Variants in SPATA17 observed in about 807,000 individuals in gnomAD.
SPATA17 encodes spermatogenesis-associated protein 17.
A neutral mutation model predicts 62.2 loss-of-function variants in SPATA17; 53 were observed. That is an observed-to-expected ratio of 0.85 (90% CI 0.68 to 1.07). The LOEUF is 1.07. SPATA17 is among the 50% of genes least tolerant of loss of function. SPATA17 has a pLI of 0.00. For missense variants in SPATA17, 466 were observed against 425.5 expected (o/e 1.10, Z -0.84); for synonymous variants, 146 against 146.8 (o/e 0.99, Z 0.04).
At chr1:217,688,781 A>T (rs1053789246) in intron 5 of SPATA17, among the ~76,000 whole-genome samples, 1 of 152,176 alleles carries the variant, frequency 6.6e-6, no homozygotes, top group African/African-American at 2.4e-5. Context: ...CTTCTGTCTT[A>T]TGGTATTATA....
intron 6 of SPATA17, among the ~76,000 whole-genome samples, chr1:217,754,295 A>G (rs1447032397): frequency 6.6e-6 from 1 of 152,178 alleles, no homozygotes; most frequent in Admixed American, 6.6e-5. Flanking sequence ...ATTACAATCA[A>G]TTCTGTCATT....
chr1:217,678,245 G>C (rs1571725026), intron 4 of SPATA17, among the ~76,000 whole-genome samples: 1 of 101,122 alleles, frequency 9.9e-6, no homozygotes, highest in Non-Finnish European at 1.8e-5. Context: ...GATTTGCTCT[G>C]TTACCCAGGC....
At chr1:217,801,603 G>C in intron 8 of SPATA17, 115 bp from the exon 9 acceptor site, 5 of 770,792 alleles carry the variant, frequency 6.5e-6, no homozygotes, top group Non-Finnish European at 9.7e-6. Context: ...TAGGTATTCT[G>C]ATTCTAAATC....
At chr1:217,686,349 A>G (rs1671214194) in intron 5 of SPATA17, among the ~76,000 whole-genome samples, 1 of 152,110 alleles carries the variant, frequency 6.6e-6, no homozygotes, top group Admixed American at 6.6e-5. Context: ...TTATTTCCAG[A>G]TAATTATTAG....
chr1:217,781,582 G>T (rs894418623), intron 7 of SPATA17, among the ~76,000 whole-genome samples: 1 of 152,132 alleles, frequency 6.6e-6, no homozygotes, highest in African/African-American at 2.4e-5. Context: ...TCAAAAGGTT[G>T]CTATTGGTAT....
chr1:217,855,618 C>A (rs1409233586), intron 9 of SPATA17, among the ~76,000 whole-genome samples: 1 of 152,010 alleles, frequency 6.6e-6, no homozygotes, highest in Admixed American at 6.6e-5. Flanking sequence ...AAACAAGGAA[C>A]TCGATCATTT....
intron 3 of SPATA17, among the ~76,000 whole-genome samples, chr1:217,655,419 T>C (rs1670421201): frequency 6.6e-6 from 1 of 152,174 alleles, no homozygotes; most frequent in South Asian, 2.1e-4. Context: ...TTAACTTTGA[T>C]TAAAGTAGTG....
At chr1:217,756,323 GT>G (rs35714970) in intron 6 of SPATA17, among the ~76,000 whole-genome samples, 9 of 150,220 alleles carry the variant, frequency 6.0e-5, no homozygotes, top group Admixed American at 1.3e-4. Flanking sequence ...ATTTTTTGTG[GT>G]TTTTTTTTGA....
At chr1:217,650,726 C>T (rs1040781798) in intron 2 of SPATA17, among the ~76,000 whole-genome samples, 1 of 152,144 alleles carries the variant, frequency 6.6e-6, no homozygotes, top group Non-Finnish European at 1.5e-5. Context: ...GCCCGGCCCT[C>T]ATGAATTATT....
intron 5 of SPATA17, among the ~76,000 whole-genome samples, 172 bp from the exon 6 acceptor site, chr1:217,741,803 T>C (rs995756057): frequency 1.3e-5 from 2 of 152,210 alleles, no homozygotes; most frequent in African/African-American, 4.8e-5. Flanking sequence ...ACATAAATGC[T>C]TTCTAAATAT....
chr1:217,708,428 T>C (rs191398316), intron 5 of SPATA17, among the ~76,000 whole-genome samples: 28 of 152,260 alleles, frequency 1.8e-4, no homozygotes, highest in African/African-American at 6.0e-4. Flanking sequence ...TGAATACCTC[T>C]ATGCACATAA....
intron 1 of SPATA17, among the ~76,000 whole-genome samples, chr1:217,644,981 A>T (rs1670147159): frequency 6.6e-6 from 1 of 152,114 alleles, no homozygotes; most frequent in African/African-American, 2.4e-5. Flanking sequence ...TTTAAACATA[A>T]AATGTCTAGC....
chr1:217,861,958 C>T (rs763950374), intron 9 of SPATA17, among the ~76,000 whole-genome samples: 3 of 152,000 alleles, frequency 2.0e-5, no homozygotes, highest in Non-Finnish European at 4.4e-5. Flanking sequence ...CAGAGACACC[C>T]TCATGTCCAC....
intron 9 of SPATA17, among the ~76,000 whole-genome samples, chr1:217,810,194 C>A (rs549921664): frequency 8.6e-5 from 13 of 151,942 alleles, no homozygotes; most frequent in Admixed American, 2.6e-4. Flanking sequence ...AAGTAAGCAA[C>A]TTTATGGAAA....
rs1293080776 is a variant in SPATA17 at position 217,646,583 on chromosome 1, A to G, written c.69-2299A>G. ...TTCATTTCTTACTCTCTTCCCCTTT[A>G]GAAGCAGTGATGGTTAAAAACCCAG... On this transcript the variant is annotated intron_variant, in intron 1 of 10. Transcript: ENST00000366933. Among the ~76,000 whole-genome samples, 6 of 151,922 alleles carry G rather than the reference A, an allele frequency of 3.9e-5. 1 individual carries two copies. In the East Asian group the frequency reaches 9.7e-4, roughly 25 times the overall value.
At position 217,723,958 on chromosome 1, in the gene SPATA17, ATGGGCGGAGCTAAC is replaced by A. The variant is rs1205262707; in HGVS notation, c.396-18016_396-18003del. 8.5e-5 allele frequency among the ~76,000 whole-genome samples: 13 copies of A among 152,366 alleles called. No homozygotes were observed. The East Asian group carries it at 2.5e-3, about 29-fold the overall frequency. Reference sequence around the variant, plus strand: ...TGCCACCCCTGTCCTCTGAAGGGACATGGGCGGAGCTAACCTCCAATCAAATTAAACTGCTTTTC... The same window carrying A: ...TGCCACCCCTGTCCTCTGAAGGGACACTCCAATCAAATTAAACTGCTTTTC... On this transcript the variant is annotated intron_variant, in intron 5 of 10. Transcript: ENST00000366933.
At chr1:217,863,757 G>T (rs1458152339) in intron 10 of SPATA17, among the ~76,000 whole-genome samples, 1 of 152,184 alleles carries the variant, frequency 6.6e-6, no homozygotes, top group Non-Finnish European at 1.5e-5. Context: ...CAATTGAAGT[G>T]TGTCTAATAG....
chr1:217,808,525 G>A (rs965658479), intron 9 of SPATA17, among the ~76,000 whole-genome samples: 14 of 152,022 alleles, frequency 9.2e-5, no homozygotes, highest in African/African-American at 1.2e-4. Flanking sequence ...TTTGCATACC[G>A]CCTCCTTCCT....
At chr1:217,676,411 C>T (rs1457227599) in intron 4 of SPATA17, among the ~76,000 whole-genome samples, 2 of 152,020 alleles carry the variant, frequency 1.3e-5, no homozygotes, top group African/African-American at 2.4e-5. Context: ...ATACCTCTAC[C>T]GTGCCTGTTT....
Sources: allele counts gnomAD v4.1 joint callset (sites outside exome capture counted in the v4.1 genomes callset), GRCh38; gene constraint gnomAD v4.1.1; transcripts MANE v1.5; gene names NCBI Gene and HGNC (gene_info 2026-07-23, HGNC 2026-07-21).